SCFD2: variants seen among roughly 807,000 people sequenced by gnomAD.
The protein encoded by SCFD2 is sec1 family domain containing 2.
SCFD2 carries 54 observed loss-of-function variants against 58.9 expected under a neutral mutation model. That is an observed-to-expected ratio of 0.92 (90% CI 0.74 to 1.15). The LOEUF (loss-of-function observed/expected upper bound fraction) is 1.15. Ranked by LOEUF, SCFD2 falls within the 50% of genes most tolerant of loss-of-function variation. SCFD2 has a pLI of 0.00. For missense variants in SCFD2, 805 were observed against 836.6 expected (o/e 0.96, Z 0.47); for synonymous variants, 321 against 335.9 (o/e 0.96, Z 0.49).
At chr4:53,217,857 G>T (rs1334128855) in intron 4 of SCFD2, among the ~76,000 whole-genome samples, 1 of 152,124 alleles carries the variant, frequency 6.6e-6, no homozygotes, top group Non-Finnish European at 1.5e-5. Context: ...AAATCTCTCA[G>T]CATTTGCTTG....
intron 2 of SCFD2, among the ~76,000 whole-genome samples, chr4:53,339,305 A>G (rs1240058684): frequency 6.6e-6 from 1 of 151,312 alleles, no homozygotes; most frequent in Non-Finnish European, 1.5e-5. Flanking sequence ...AGATTGAGAT[A>G]AGTTATTACA....
At chr4:53,130,660 G>A (rs1222785772) in intron 5 of SCFD2, among the ~76,000 whole-genome samples, 3 of 152,154 alleles carry the variant, frequency 2.0e-5, no homozygotes, top group African/African-American at 7.2e-5. Context: ...CCTGGCAAGT[G>A]ACTGAAGGTC....
chr4:52,964,991 C>T (rs541456752), intron 5 of SCFD2, among the ~76,000 whole-genome samples: 1 of 148,496 alleles, frequency 6.7e-6, no homozygotes, highest in African/African-American at 2.5e-5. Flanking sequence ...ATGGTGGTGA[C>T]TAAATGAATA....
chr4:53,232,413 C>A (rs566701568), intron 4 of SCFD2, among the ~76,000 whole-genome samples: 2 of 151,958 alleles, frequency 1.3e-5, no homozygotes, highest in African/African-American at 2.4e-5. Flanking sequence ...AGCTTTTTGG[C>A]AATTTTGTTT....
intron 3 of SCFD2, among the ~76,000 whole-genome samples, chr4:53,282,568 C>T (rs1731538904): frequency 1.3e-5 from 2 of 152,036 alleles, no homozygotes; most frequent in Non-Finnish European, 2.9e-5. Context: ...AGTTGTACAA[C>T]CATCAGTGTG....
chr4:53,064,910 C>T (rs1723614431), intron 5 of SCFD2, among the ~76,000 whole-genome samples: 1 of 152,064 alleles, frequency 6.6e-6, no homozygotes, highest in Admixed American at 6.6e-5. Context: ...GTAGAAAGTA[C>T]TCAATCAATT....
chr4:52,959,712 C>T (rs1216616144), intron 5 of SCFD2, among the ~76,000 whole-genome samples: 1 of 152,118 alleles, frequency 6.6e-6, no homozygotes, highest in Non-Finnish European at 1.5e-5. Context: ...GAATTCCGCT[C>T]ATTTAAGAGG....
intron 4 of SCFD2, among the ~76,000 whole-genome samples, chr4:53,210,193 G>A (rs1236309656): frequency 6.6e-6 from 1 of 152,040 alleles, no homozygotes. Context: ...AAGATTCTGG[G>A]CTCTGAACTG....
intron 4 of SCFD2, among the ~76,000 whole-genome samples, chr4:53,256,360 A>T (rs1214876772): frequency 6.7e-6 from 1 of 149,536 alleles, no homozygotes; most frequent in Non-Finnish European, 1.5e-5. Flanking sequence ...CACTTCCTAG[A>T]TGGGATGGCG....
At chr4:53,240,926 G>A (rs546369549) in intron 4 of SCFD2, among the ~76,000 whole-genome samples, 2 of 152,318 alleles carry the variant, frequency 1.3e-5, no homozygotes, top group South Asian at 4.1e-4. Context: ...CCCACACCAA[G>A]GGACCAGGAC....
chr4:52,997,017 C>G (rs1376069043), intron 5 of SCFD2, among the ~76,000 whole-genome samples: 2 of 152,258 alleles, frequency 1.3e-5, no homozygotes, highest in Admixed American at 6.5e-5. Flanking sequence ...GCAGTGCCAT[C>G]AGGCACATTC....
At chr4:52,874,438 T>G (rs1452404122) in intron 8 of SCFD2, among the ~76,000 whole-genome samples, 1 of 152,232 alleles carries the variant, frequency 6.6e-6, no homozygotes, top group Non-Finnish European at 1.5e-5. Flanking sequence ...GACGTCAATA[T>G]CAAGGTTTCT....
chr4:53,026,888 G>A lies in SCFD2; in HGVS notation c.1562-106018C>T, dbSNP rs150376628. 2.0e-5 allele frequency among the ~76,000 whole-genome samples: 3 copies of A among 152,330 alleles called. No individual in the cohort carries two copies. In the East Asian group the frequency reaches 5.8e-4, roughly 29 times the overall value. On this transcript the variant is annotated intron_variant, in intron 5 of 8. Transcript: ENST00000401642. ...ATGACAAATTCCAAAGTTGACAATG[G>A]TTACTAAACTCTTTCAGTTTTTTCC... is the stretch of plus-strand genomic sequence containing the variant.
chr4:53,264,472 A>G (rs1159447078), intron 4 of SCFD2, among the ~76,000 whole-genome samples: 2 of 152,180 alleles, frequency 1.3e-5, no homozygotes, highest in Non-Finnish European at 2.9e-5. Flanking sequence ...AAGTAACAAT[A>G]CCCCATGCTG....
At chr4:53,248,280 C>T (rs1449227906) in intron 4 of SCFD2, among the ~76,000 whole-genome samples, 1 of 152,224 alleles carries the variant, frequency 6.6e-6, no homozygotes, top group Admixed American at 6.5e-5. Context: ...CCTACACCCA[C>T]TGAGTCTCGC....
At chr4:53,016,636 G>A (rs1319699330) in intron 5 of SCFD2, among the ~76,000 whole-genome samples, 3 of 152,142 alleles carry the variant, frequency 2.0e-5, no homozygotes, top group South Asian at 2.1e-4. Flanking sequence ...TAAATGACTC[G>A]TGCTACAGAT....
At chr4:53,013,126 A>G (rs145347755) in intron 5 of SCFD2, among the ~76,000 whole-genome samples, 6 of 152,270 alleles carry the variant, frequency 3.9e-5, no homozygotes, top group Non-Finnish European at 8.8e-5. Flanking sequence ...CAGCCATCTA[A>G]TAGAGACAAG....
intron 2 of SCFD2, among the ~76,000 whole-genome samples, chr4:53,341,081 C>A (rs1276567756): frequency 1.3e-5 from 2 of 152,172 alleles, no homozygotes; most frequent in Non-Finnish European, 2.9e-5. Flanking sequence ...CACAGCTCCT[C>A]GTCAGCAACG....
intron 4 of SCFD2, among the ~76,000 whole-genome samples, chr4:53,255,837 G>A (rs1240201073): frequency 6.8e-6 from 1 of 147,958 alleles, no homozygotes; most frequent in Admixed American, 6.6e-5. Flanking sequence ...TGGCCGGGCG[G>A]GGGGCTGACC....
Sources: gnomAD v4.1 joint callset for allele counts (sites outside exome capture counted in the v4.1 genomes callset) on GRCh38, gnomAD v4.1.1 for gene constraint, MANE v1.5 for transcripts, NCBI Gene and HGNC (gene_info 2026-07-23, HGNC 2026-07-21) for gene names.